Variants in OPHN1 observed in about 807,000 individuals in gnomAD.
OPHN1 encodes the protein oligophrenin-1.
OPHN1 carries 11 observed loss-of-function variants against 60.7 expected under a neutral mutation model. The ratio of observed to expected loss-of-function variants is 0.18; its 90% CI spans 0.11 to 0.30. The LOEUF is 0.30. Among genes scored for constraint, OPHN1 ranks in the 10% least tolerant of loss-of-function variants. The pLI, the probability that OPHN1 is intolerant of heterozygous loss-of-function variation, is 1.00. For missense variants in OPHN1, 449 were observed against 611.0 expected (o/e 0.73, Z 2.80); for synonymous variants, 226 against 222.6 (o/e 1.02, Z -0.14).
intron 2 of OPHN1, among the ~76,000 whole-genome samples, chrX:68,427,057 G>A (rs1418184194): frequency 1.0e-5 from 1 of 96,191 alleles, no homozygotes. Flanking sequence ...TTCGAGACCA[G>A]CCTGGACAGC....
At chrX:68,055,613 A>G (rs1029666762) in intron 21 of OPHN1, among the ~76,000 whole-genome samples, 10 of 112,250 alleles carry the variant, frequency 8.9e-5, no homozygotes, top group Non-Finnish European at 1.9e-4. Flanking sequence ...GTATATACCC[A>G]AAGGATTATA....
chrX:68,184,567 C>G (rs991688103), intron 15 of OPHN1, among the ~76,000 whole-genome samples: 3 of 110,601 alleles, frequency 2.7e-5, no homozygotes, highest in Non-Finnish European at 5.7e-5. Flanking sequence ...TGGATCAACA[C>G]TGTATTCAGA....
intron 18 of OPHN1, among the ~76,000 whole-genome samples, chrX:68,108,067 A>G (rs759223875): frequency 1.8e-4 from 20 of 111,132 alleles, no homozygotes; most frequent in Non-Finnish European, 3.8e-5. Flanking sequence ...TCCTCTACCC[A>G]CCTCCAGGAG....
intron 5 of OPHN1, among the ~76,000 whole-genome samples, chrX:68,266,548 C>T (rs2077928687): frequency 9.0e-6 from 1 of 111,557 alleles, no homozygotes; most frequent in South Asian, 3.8e-4. Flanking sequence ...TGGAAAGGAA[C>T]AACCGGTACC....
At chrX:68,167,776 C>G (rs759036910) in intron 15 of OPHN1, among the ~76,000 whole-genome samples, 1 of 108,994 alleles carries the variant, frequency 9.2e-6, no homozygotes, top group Admixed American at 9.9e-5. Context: ...GAAGAGATAT[C>G]TGCCCATCCA....
In OPHN1 at chrX:68,248,300, CA is replaced by C. The variant is rs759781324; in HGVS notation, c.385-13713del. ...GCAAAAGATTTGAATAGACATTTCT[CA>C]AAAAAAAAAAGACATACAAATGGCA... On this transcript the variant is annotated intron_variant, in intron 5 of 24. Transcript: ENST00000355520. Among the ~76,000 whole-genome samples, 178 of 99,150 alleles carry C rather than the reference CA, an allele frequency of 1.8e-3. 2 individuals carry two copies. The highest frequency in any genetic ancestry group is 4.7e-3 in the African/African-American group (131 of 27,831). The allele number at this position is 99,150 out of a possible 115,157, so 86.1% of individuals were successfully genotyped here.
At chrX:68,301,181 C>T (rs1049740714) in intron 2 of OPHN1, among the ~76,000 whole-genome samples, 3 of 111,551 alleles carry the variant, frequency 2.7e-5, no homozygotes, top group African/African-American at 9.8e-5. Context: ...TGTGGTGGCT[C>T]ACGCCTGTAA....
At chrX:68,238,262 T>C (rs1457130109) in intron 5 of OPHN1, among the ~76,000 whole-genome samples, 2 of 111,457 alleles carry the variant, frequency 1.8e-5, no homozygotes, top group Non-Finnish European at 3.8e-5. Flanking sequence ...ATTTTTATTT[T>C]ATATTAAATT....
intron 24 of OPHN1, among the ~76,000 whole-genome samples, chrX:68,047,836 A>T (rs1435328735): frequency 8.9e-6 from 1 of 112,123 alleles, no homozygotes; most frequent in Non-Finnish European, 1.9e-5. Context: ...CTGGCATGTG[A>T]TATGCATCAA....
intron 2 of OPHN1, among the ~76,000 whole-genome samples, chrX:68,316,477 T>C (rs1200666592): frequency 6.2e-5 from 7 of 112,151 alleles, no homozygotes; most frequent in Non-Finnish European, 3.8e-5. Context: ...TACAAATGTA[T>C]TGTCTTACAG....
At position 68,210,136 on chromosome X, in the gene OPHN1, C is replaced by A; in HGVS notation, c.832+17G>T. The stretch of plus-strand genomic sequence containing the variant: ...GGCTTATTGAAACCCAATGGATACC[C>A]CTATGTCCCCACACACATTTCTCTT... On this transcript the variant is annotated intron_variant, in intron 9 of 24. Transcript: ENST00000355520. The A allele has an allele frequency of 8.3e-7, 1 of 1,209,251 alleles. No individual in the cohort carries two copies. The highest frequency in any genetic ancestry group is 1.1e-6 in the Non-Finnish European group (1 of 894,098).
chrX:68,431,715 A>G (rs1027070564), intron 2 of OPHN1, among the ~76,000 whole-genome samples: 8 of 110,297 alleles, frequency 7.3e-5, no homozygotes, highest in Non-Finnish European at 1.1e-4. Context: ...GGCGTGAGCC[A>G]CCTCGCCCAG....
intron 2 of OPHN1, among the ~76,000 whole-genome samples, chrX:68,374,370 A>G (rs1677955925): frequency 9.1e-6 from 1 of 109,809 alleles, no homozygotes; most frequent in African/African-American, 3.3e-5. Context: ...AAAAAAAAAA[A>G]TCACTAAATA....
In OPHN1 at chrX:68,417,206, C is replaced by T. The variant is rs1459806846; in HGVS notation, c.154+15661G>A. Among the ~76,000 whole-genome samples, 4 of 111,336 alleles carry T rather than the reference C, an allele frequency of 3.6e-5. 1 individual carries two copies. The highest frequency in any genetic ancestry group is 1.3e-4 in the African/African-American group (4 of 30,578). On this transcript the variant is annotated intron_variant, in intron 2 of 24. Transcript: ENST00000355520. ...CACCTCTGGGGTTCAAGCAACTCTG[C>T]CTCAGCCTCCCAAATAGCTGGGATT... is the stretch of plus-strand genomic sequence containing the variant.
At chrX:68,156,447 A>G (rs1340888789) in intron 15 of OPHN1, among the ~76,000 whole-genome samples, 1 of 111,377 alleles carries the variant, frequency 9.0e-6, no homozygotes, top group Non-Finnish European at 1.9e-5. Flanking sequence ...GGCTTTTAGT[A>G]TATTCACAAA....
chrX:68,083,807 T>C (rs1253774654), intron 19 of OPHN1, among the ~76,000 whole-genome samples: 1 of 111,764 alleles, frequency 8.9e-6, no homozygotes, highest in Non-Finnish European at 1.9e-5. Context: ...TCCAATATTG[T>C]TGTGTCTCAG....
intron 10 of OPHN1, among the ~76,000 whole-genome samples, chrX:68,202,422 C>T (rs2077538750): frequency 9.0e-6 from 1 of 111,697 alleles, no homozygotes; most frequent in Non-Finnish European, 1.9e-5. Flanking sequence ...TTCAGATTCC[C>T]TCTCTTATCT....
At chrX:68,196,198 A>G (rs1362515452) in intron 12 of OPHN1, among the ~76,000 whole-genome samples, 1 of 111,981 alleles carries the variant, frequency 8.9e-6, no homozygotes, top group African/African-American at 3.2e-5. Flanking sequence ...CATAGAAAGA[A>G]AAACCTAGAA....
chrX:68,179,695 T>G (rs7050271), intron 15 of OPHN1, among the ~76,000 whole-genome samples: 24,339 of 111,279 alleles, frequency 0.22, 2,352 homozygotes, highest in African/African-American at 0.33. Context: ...TGCTTCCCAC[T>G]GTCTTAGTCA....
Sources: gnomAD v4.1 joint callset for allele counts (sites outside exome capture counted in the v4.1 genomes callset) on GRCh38, gnomAD v4.1.1 for gene constraint, MANE v1.5 for transcripts, NCBI Gene and HGNC (gene_info 2026-07-23, HGNC 2026-07-21) for gene names.